Variants in DOP1A observed in about 807,000 individuals in gnomAD.
The protein encoded by DOP1A is DOP1 leucine zipper like protein A, also known as protein DOP1A.
DOP1A carries 90 observed loss-of-function variants against 267.6 expected under a neutral mutation model. That is an observed-to-expected ratio of 0.34 (90% CI 0.28 to 0.40). DOP1A has a LOEUF of 0.40. Among genes scored for constraint, DOP1A ranks in the 10% least tolerant of loss-of-function variants. DOP1A has a pLI of 1.00. For missense variants in DOP1A, 2,437 were observed against 2,900.4 expected, an observed-to-expected ratio of 0.84 and a Z score of 3.67; for synonymous variants, 932 against 999.1, an observed-to-expected ratio of 0.93 and a Z score of 1.27.
chr6:83,135,007 A>G (rs1288269171), intron 19 of DOP1A, among the ~76,000 whole-genome samples: 1 of 152,146 alleles, frequency 6.6e-6, no homozygotes, highest in Non-Finnish European at 1.5e-5. Context: ...GAACCCCTAC[A>G]ATGTACTGAA....
At chr6:83,148,198 A>T (rs974967154) in intron 26 of DOP1A, among the ~76,000 whole-genome samples, 2 of 151,820 alleles carry the variant, frequency 1.3e-5, no homozygotes, top group Middle Eastern at 6.8e-3. Context: ...CGGATCACGA[A>T]CTCAGGAGAT....
At position 83,105,804 on chromosome 6, in the gene DOP1A, T is replaced by G. The variant is rs577214803; in HGVS notation, c.321-3106T>G. Among the ~76,000 whole-genome samples the G allele has an allele frequency of 3.9e-5, 6 of 152,342 alleles. No homozygotes were observed. The South Asian group carries it at 1.2e-3, about 32-fold the overall frequency. On this transcript the variant is annotated intron_variant, in intron 4 of 38. Coordinates refer to ENST00000349129, the MANE Select transcript of DOP1A (RefSeq NM_015018.4). ...ATGTAATTATCTAATAATTGGTAGA[T>G]TTTCCTTTCTCAAGGCAAGATTTAC... is the stretch of plus-strand genomic sequence containing the variant.
chr6:83,124,159 G>A lies in DOP1A; in HGVS notation c.1341-546G>A, dbSNP rs145882476. Among the ~76,000 whole-genome samples, 7 of 152,174 alleles carry A rather than the reference G, an allele frequency of 4.6e-5. No individual in the cohort carries two copies. In the East Asian group the frequency reaches 1.3e-3, roughly 29 times the overall value. ...TATATTCTTACTTTGTGTCTTCAGA[G>A]TGGAGGGCAATGTATGGTCATATAG... On this transcript the variant is annotated intron_variant, in intron 12 of 38. Coordinates refer to ENST00000349129, the MANE Select transcript of DOP1A (RefSeq NM_015018.4).
chr6:83,154,139 G>A, intron 32 of DOP1A, 41 bp from the exon 33 acceptor site: 3 of 1,610,666 alleles, frequency 1.9e-6, no homozygotes, highest in Non-Finnish European at 2.5e-6. Flanking sequence ...TTCTTTAACA[G>A]TAACAACATA....
intron 27 of DOP1A, among the ~76,000 whole-genome samples, chr6:83,149,072 A>C (rs897520813): frequency 1.3e-5 from 2 of 151,908 alleles, no homozygotes; most frequent in African/African-American, 4.9e-5. Flanking sequence ...ATGTTTATAC[A>C]TATACAAAAT....
chr6:83,120,657 G>A lies in DOP1A; in HGVS notation c.991-26G>A, dbSNP rs192342724. 10 of 1,484,142 alleles carry A rather than the reference G, an allele frequency of 6.7e-6. No individual in the cohort carries two copies. In the East Asian group the frequency reaches 2.1e-4, roughly 31 times the overall value. The allele number at this position is 1,484,142 out of a possible 1,614,324, so 91.9% of individuals were successfully genotyped here. A position where few individuals can be genotyped will look rare whatever the true frequency, so the allele number is the denominator to read the frequency against. On this transcript the variant is annotated intron_variant, in intron 9 of 38. Transcript: ENST00000349129. ...AATATTTGAATATGTTTACTTAAAT[G>A]ACCAGTGTACTTTCCTTTTTTAAAG... is the stretch of plus-strand genomic sequence containing the variant.
intron 1 of DOP1A, among the ~76,000 whole-genome samples, chr6:83,074,728 T>A (rs1359006219): frequency 6.6e-6 from 1 of 152,186 alleles, no homozygotes. Flanking sequence ...TTATAGTGAA[T>A]CAACGTGAAT....
intron 4 of DOP1A, among the ~76,000 whole-genome samples, chr6:83,105,533 T>A (rs1001305688): frequency 3.3e-5 from 5 of 151,942 alleles, no homozygotes; most frequent in African/African-American, 9.7e-5. Context: ...CCCAGCTAAT[T>A]TTTGTATTTT....
At chr6:83,163,956 GCCCAAGAAC>G (rs1172655830) in intron 38 of DOP1A, among the ~76,000 whole-genome samples, 2 of 151,586 alleles carry the variant, frequency 1.3e-5, no homozygotes, top group African/African-American at 4.8e-5. Flanking sequence ...ACAGATCTTT[GCCCAAGAAC>G]CTACCAGCAA....
In DOP1A at chr6:83,100,865, CCAAAGAT is replaced by C. The variant is rs1772439796; in HGVS notation, c.301_307del (p.Lys101PhefsTer19). The C allele has an allele frequency of 2.6e-6, 4 of 1,544,734 alleles. No homozygotes were observed. In the African/African-American group the frequency reaches 5.5e-5, roughly 21 times the overall value. On this transcript the variant is annotated frameshift_variant, in exon 4 of 39. Coordinates refer to ENST00000349129, the MANE Select transcript of DOP1A (RefSeq NM_015018.4). LOFTEE classifies it high-confidence loss of function. ...AAAATAATTGGACCTAAGCGACTTG[CCAAAGAT>C]CTTTTTTTATATAGGTAAGAATAAT...
rs775362699 is a variant in DOP1A at position 83,138,965 on chromosome 6, C to G, written c.4923C>G (p.Leu1641=). 1.1e-5 allele frequency: 18 copies of G among 1,613,954 alleles called. No homozygotes were observed. Among genetic ancestry groups the G allele is most frequent in the Non-Finnish European group, 1.4e-5 (17 of 1,179,982 alleles). The change falls in exon 21 of 39, where the codon CTC becomes CTG. Residue 1641 remains leucine (L), a synonymous_variant. Transcript: ENST00000349129. ...AQPITCQGMF[L]CAVIRALHQH... ...CAATCACATGTCAAGGCATGTTCCT[C>G]TGTGCAGTGATACGAGCTTTGCATC...
chr6:83,090,141 G>A (rs991283254), intron 1 of DOP1A, among the ~76,000 whole-genome samples: 1 of 152,060 alleles, frequency 6.6e-6, no homozygotes, highest in Non-Finnish European at 1.5e-5. Flanking sequence ...AAATAATGAC[G>A]ACAACTGTTT....
At chr6:83,115,489 G>A (rs374270016) in intron 7 of DOP1A, among the ~76,000 whole-genome samples, 9 of 152,176 alleles carry the variant, frequency 5.9e-5, no homozygotes, top group African/African-American at 1.4e-4. Context: ...TTGGGAGGCC[G>A]AGGCAAGCGG....
chr6:83,094,167 C>T (rs1245850845), intron 1 of DOP1A, among the ~76,000 whole-genome samples: 1 of 152,092 alleles, frequency 6.6e-6, no homozygotes, highest in Non-Finnish European at 1.5e-5. Flanking sequence ...GAATCATATA[C>T]TATGTGGTCT....
Position 83,142,103 on chromosome 6 carries a change from T to C in DOP1A, c.5541+57T>C, listed in dbSNP as rs1779743448. ...TTTGCATTTGGTGAGTACATGCTAA[T>C]TTCCACTTCTCCATATATTGCAGTG... is the stretch of plus-strand genomic sequence containing the variant. On this transcript the variant is annotated intron_variant, in intron 24 of 38. Coordinates refer to ENST00000349129, the MANE Select transcript of DOP1A (RefSeq NM_015018.4). 1.9e-6 allele frequency: 3 copies of C among 1,586,058 alleles called. No individual in the cohort carries two copies. The South Asian group carries it at 3.5e-5, about 18-fold the overall frequency.
At chr6:83,165,990 G>C (rs1459877414) in intron 38 of DOP1A, 19 of 325,966 alleles carry the variant, frequency 5.8e-5, no homozygotes, top group South Asian at 4.8e-4. Flanking sequence ...TTTGGCTTTG[G>C]GAAGTGCTTT....
chr6:83,100,956 T>C lies in DOP1A; in HGVS notation c.320+70T>C, dbSNP rs1336725918. On this transcript the variant is annotated intron_variant, in intron 4 of 38. Transcript: ENST00000349129. Reference sequence around the variant, plus strand: ...TGTATTGCTAAACTATTTTATACTTTCTGCACTAAAAACTAAAAATTGAAA... The same window carrying C: ...TGTATTGCTAAACTATTTTATACTTCCTGCACTAAAAACTAAAAATTGAAA... The C allele has an allele frequency of 5.6e-6, 6 of 1,070,632 alleles. No homozygotes were observed. In the African/African-American group the frequency reaches 9.9e-5, roughly 18 times the overall value. The allele number at this position is 1,070,632 out of a possible 1,614,324, so 66.3% of individuals were successfully genotyped here.
chr6:83,121,362 A>G (rs1026626533), intron 10 of DOP1A, among the ~76,000 whole-genome samples: 2 of 151,792 alleles, frequency 1.3e-5, no homozygotes, highest in African/African-American at 4.8e-5. Flanking sequence ...TTAAAATATA[A>G]GAATAACTTG....
chr6:83,095,620 A>G (rs575360415), intron 1 of DOP1A, among the ~76,000 whole-genome samples: 20 of 152,248 alleles, frequency 1.3e-4, no homozygotes, highest in African/African-American at 4.3e-4. Flanking sequence ...AATTATTCCT[A>G]TTACCCTAGA....
Sources: gnomAD v4.1 joint callset for allele counts (sites outside exome capture counted in the v4.1 genomes callset) on GRCh38, gnomAD v4.1.1 for gene constraint, MANE v1.5 for transcripts, NCBI Gene and HGNC (gene_info 2026-07-23, HGNC 2026-07-21) for gene names.